Variants in SPAST observed in about 807,000 individuals in gnomAD.
The protein encoded by SPAST is spastin, also known as spastic paraplegia 4 (autosomal dominant; spastin).
Under a neutral mutation model 76.6 loss-of-function variants are expected in SPAST, and 30 were observed. The observed-to-expected ratio is 0.39, with a 90% CI of 0.29 to 0.53. The LOEUF is 0.53. Ranked by LOEUF, SPAST falls within the 20% of genes least tolerant of loss-of-function variation. SPAST has a pLI of 0.68. For synonymous variants in SPAST, 305 were observed against 281.0 expected (o/e 1.09, Z -0.86); for missense variants, 717 against 770.5 (o/e 0.93, Z 0.82).
chr2:32,082,086 T>C (rs933267727), intron 1 of SPAST, among the ~76,000 whole-genome samples: 4 of 146,172 alleles, frequency 2.7e-5, no homozygotes, highest in African/African-American at 1.0e-4. Context: ...CCCTCCTGGG[T>C]TCAAGCAGCG....
intron 1 of SPAST, among the ~76,000 whole-genome samples, chr2:32,071,890 A>C (rs1283076372): frequency 6.6e-6 from 1 of 152,120 alleles, no homozygotes; most frequent in African/African-American, 2.4e-5. Flanking sequence ...GCAGACTCTT[A>C]AGTTAATTTT....
At chr2:32,119,457 A>C (rs1430687244) in intron 7 of SPAST, among the ~76,000 whole-genome samples, 1 of 152,178 alleles carries the variant, frequency 6.6e-6, no homozygotes, top group South Asian at 2.1e-4. Context: ...AGAAACACAG[A>C]ATCATAATTA....
rs563627818 is a variant in SPAST, at chr2:32,124,685, T to G, written c.1099-2263T>G. Among the ~76,000 whole-genome samples the G allele has an allele frequency of 2.0e-5, 3 of 152,298 alleles. No individual in the cohort carries two copies. The East Asian group carries it at 5.8e-4, about 29-fold the overall frequency. On this transcript the variant is annotated intron_variant, in intron 7 of 16. Transcript: ENST00000315285. ...GAATGGATAAACAGACTTTGGTATA[T>G]CATGTAATGGAGTATTATTCAGCAA...
chr2:32,156,565 G>A lies in SPAST; in HGVS notation c.*2069G>A, dbSNP rs1196384354. On this transcript the variant is annotated 3_prime_UTR_variant, in exon 17 of 17. Transcript: ENST00000315285. ...CAATTATGAAATACTGATAACGAAA[G>A]GTAGTAATGAAATATATATGATGAA... 1 of 151,982 alleles carries A rather than the reference G, an allele frequency of 6.6e-6. No homozygotes were observed. Among genetic ancestry groups the A allele is most frequent in the African/African-American group, 2.4e-5 (1 of 41,362 alleles). 9.4% of individuals were successfully genotyped at this position (151,982 alleles called of 1,614,324 possible).
At chr2:32,129,699 A>G (rs2148747431) in intron 9 of SPAST, 1 of 151,828 alleles carries the variant, frequency 6.6e-6, no homozygotes, top group Non-Finnish European at 1.5e-5. Context: ...GCTTGCCTTT[A>G]TCAAAACCTT....
intron 7 of SPAST, among the ~76,000 whole-genome samples, chr2:32,117,317 A>C (rs1480899517): frequency 1.3e-5 from 2 of 152,030 alleles, no homozygotes; most frequent in Admixed American, 6.6e-5. Context: ...TAAGAGAAGG[A>C]AATCAGGCAG....
intron 12 of SPAST, among the ~76,000 whole-genome samples, chr2:32,137,492 AG>A (rs1679577843): frequency 6.6e-6 from 1 of 152,196 alleles, no homozygotes; most frequent in African/African-American, 2.4e-5. Flanking sequence ...GGGCTTCATG[AG>A]AAAATAATCA....
chr2:32,098,046 G>A (rs1300173367), intron 3 of SPAST, among the ~76,000 whole-genome samples: 2 of 151,984 alleles, frequency 1.3e-5, no homozygotes, highest in Non-Finnish European at 2.9e-5. Flanking sequence ...TAGCCCACTT[G>A]CTCTGTAAAG....
chr2:32,128,440 C>T lies in SPAST; in HGVS notation c.1206C>T (p.Thr402=), dbSNP rs368768001. ...CAGTAGCTGCAGAATCGAATGCAACCTTCTTTAATATAAGTGCTGCAAGTT... is the reference window on the plus strand; with the variant it reads ...CAGTAGCTGCAGAATCGAATGCAACTTTCTTTAATATAAGTGCTGCAAGTT... The part of the protein sequence containing the change: ...AKAVAAESNA[T]FFNISAASLT... Residue 402 remains threonine (T), a synonymous_variant, in exon 9 of 17, where the codon ACC becomes ACT. Transcript: ENST00000315285. The T allele has an allele frequency of 4.3e-6, 7 of 1,612,564 alleles. No homozygotes were observed. In the African/African-American group the frequency reaches 9.3e-5, roughly 22 times the overall value.
intron 12 of SPAST, among the ~76,000 whole-genome samples, chr2:32,138,370 T>A (rs1038507630): frequency 1.3e-5 from 2 of 152,214 alleles, no homozygotes; most frequent in Admixed American, 1.3e-4. Flanking sequence ...GCCATTTTAT[T>A]AATAGCCATT....
At chr2:32,096,205 C>T (rs765254325) in intron 3 of SPAST, among the ~76,000 whole-genome samples, 9 of 151,376 alleles carry the variant, frequency 5.9e-5, no homozygotes, top group African/African-American at 1.2e-4. Context: ...GAGGCCGAGG[C>T]GGGCAGATCA....
intron 1 of SPAST, among the ~76,000 whole-genome samples, chr2:32,069,745 G>A (rs1676674152): frequency 6.6e-6 from 1 of 151,770 alleles, no homozygotes; most frequent in South Asian, 2.1e-4. Context: ...TTTTTTAGTA[G>A]AGACGGGGTT....
chr2:32,116,689 A>C (rs551666977), intron 7 of SPAST, among the ~76,000 whole-genome samples: 1 of 152,308 alleles, frequency 6.6e-6, no homozygotes, highest in South Asian at 2.1e-4. Flanking sequence ...CTGGTCTTTC[A>C]TACCTGATGT....
chr2:32,074,021 A>G (rs1040785741), intron 1 of SPAST, among the ~76,000 whole-genome samples: 1 of 152,130 alleles, frequency 6.6e-6, no homozygotes, highest in Non-Finnish European at 1.5e-5. Context: ...GGGGTTTATT[A>G]CCCACTGTAG....
chr2:32,137,463 A>G (rs1469354543), intron 12 of SPAST, among the ~76,000 whole-genome samples: 2 of 152,182 alleles, frequency 1.3e-5, no homozygotes, highest in Non-Finnish European at 2.9e-5. Flanking sequence ...TTGAAAATTG[A>G]TTCTTACCGT....
At position 32,069,325 on chromosome 2, in the gene SPAST, TGAAA is replaced by T. The variant is rs138313852; in HGVS notation, c.415+5082_415+5085del. On this transcript the variant is annotated intron_variant, in intron 1 of 16. Coordinates refer to ENST00000315285, the MANE Select transcript of SPAST (RefSeq NM_014946.4). ...TGTACTTTAGTCTTAATCCAGTGGT[TGAAA>T]GAGAGTGCACTTTTGAAGTCTGCCT... 7.2e-3 allele frequency among the ~76,000 whole-genome samples: 1,101 copies of T among 152,244 alleles called. 18 individuals are homozygous for T. Among genetic ancestry groups the T allele is most frequent in the African/African-American group, 0.026 (1,062 of 41,522 alleles).
At chr2:32,154,041 T>C (rs1033623936) in intron 16 of SPAST, among the ~76,000 whole-genome samples, 7 of 152,226 alleles carry the variant, frequency 4.6e-5, no homozygotes, top group African/African-American at 1.7e-4. Flanking sequence ...GAAATTGTGA[T>C]TCTTTTTTTC....
rs1408601862 is a variant in SPAST, at chr2:32,064,109, C to A, written c.278C>A (p.Ser93Tyr). 1 of 1,602,144 alleles carries A rather than the reference C, an allele frequency of 6.2e-7. No homozygotes were observed. The highest frequency in any genetic ancestry group is 1.3e-5 in the African/African-American group (1 of 74,814). The change falls in exon 1 of 17, where the codon TCC becomes TAC. Residue 93 changes from serine (S) to tyrosine (Y), a missense_variant. Ser to Tyr is a moderately radical substitution (Grantham distance 144). This residue lies in a region of SPAST where 543 missense variants were observed against 445.2 expected (regional missense o/e 1.22). Transcript: ENST00000315285. ...SRALMAAKRS[S>Y]GAAPAPASAS... ...GCCCTCATGGCAGCCAAGAGGAGCTCCGGGGCCGCGCCAGCACCTGCCTCG... is the reference window on the plus strand; with the variant it reads ...GCCCTCATGGCAGCCAAGAGGAGCTACGGGGCCGCGCCAGCACCTGCCTCG...
intron 1 of SPAST, among the ~76,000 whole-genome samples, chr2:32,080,008 C>T (rs989382749): frequency 6.6e-6 from 1 of 152,170 alleles, no homozygotes; most frequent in African/African-American, 2.4e-5. Flanking sequence ...GAACTGCCAA[C>T]CTGTTTTCCA....
Sources: allele counts gnomAD v4.1 joint callset (sites outside exome capture counted in the v4.1 genomes callset), GRCh38; gene constraint gnomAD v4.1.1; regional missense constraint gnomAD v4.1.1; transcripts MANE v1.5; gene names NCBI Gene and HGNC (gene_info 2026-07-23, HGNC 2026-07-21).